The following SLC16A3 variants were observed in gnomAD, a reference collection of about 807,000 sequenced individuals.
The protein encoded by SLC16A3 is solute carrier family 16 member 3, also known as monocarboxylate transporter 4.
A neutral mutation model predicts 25.0 loss-of-function variants in SLC16A3; 22 were observed. The ratio of observed to expected loss-of-function variants is 0.88; its 90% CI spans 0.63 to 1.26. The LOEUF is 1.26. Ranked by LOEUF, SLC16A3 falls within the 50% of genes most tolerant of loss-of-function variation. SLC16A3 has a pLI of 0.00. For synonymous variants in SLC16A3, 390 were observed against 309.2 expected, an observed-to-expected ratio of 1.26 and a Z score of -2.74; for missense variants, 731 against 666.6, an observed-to-expected ratio of 1.10 and a Z score of -1.06.
chr17:82,228,909 CCGGGAGCCCGTCCGGAGGCGGCG>C (rs1425753460), upstream of SLC16A3: 1 of 149,966 alleles, frequency 6.7e-6, no homozygotes, highest in Non-Finnish European at 1.5e-5. Flanking sequence ...GAGCTGCGGC[CCGGGAGCCCGTCCGGAGGCGGCG>C]CGGGGTCCGG....
At position 82,237,576 on chromosome 17, in the gene SLC16A3, TC is replaced by T. The variant is rs1344254772; in HGVS notation, c.808del (p.Leu270TrpfsTer92). 1 of 1,612,334 alleles carries T rather than the reference TC, an allele frequency of 6.2e-7. No individual in the cohort carries two copies. Among genetic ancestry groups the T allele is most frequent in the Admixed American group, 1.7e-5 (1 of 59,986 alleles). ...ACCAAGGCCGCCTTCCTGCTCACCA[TC>T]CTGGGCTTCATTGACATCTTCGCGC... ...PDTKAAFLLT[I>X]LGFIDIFARP... is the part of the protein sequence containing the mutation. On this transcript the variant is annotated frameshift_variant, in exon 4 of 5. Transcript: ENST00000582743. LOFTEE classifies it high-confidence loss of function.
chr17:82,229,057 AGGC>A lies in SLC16A3; in HGVS notation c.-71_-69del. On this transcript the variant is annotated 5_prime_UTR_variant, in exon 1 of 5. Coordinates refer to ENST00000582743, the MANE Select transcript of SLC16A3 (RefSeq NM_004207.4). Reference sequence around the variant, plus strand: ...GGAGCGGACCGGCAGAGGCGGGCAGAGGCGGCGAGAGGCGGCGAGAGGCGGGCT... The same window carrying A: ...GGAGCGGACCGGCAGAGGCGGGCAGAGGCGAGAGGCGGCGAGAGGCGGGCT... The A allele has an allele frequency of 7.1e-5, 1 of 14,172 alleles. No individual in the cohort carries two copies. Among genetic ancestry groups the A allele is most frequent in the Non-Finnish European group, 1.1e-4 (1 of 9,028 alleles). 0.9% of individuals were successfully genotyped at this position (14,172 alleles called of 1,614,324 possible).
chr17:82,225,066 G>A (rs1482920146), upstream of SLC16A3, among the ~76,000 whole-genome samples: 5 of 152,320 alleles, frequency 3.3e-5, no homozygotes, highest in East Asian at 9.6e-4. Flanking sequence ...TTCAAGACTA[G>A]CCTGGCCAAA....
chr17:82,228,684 T>C (rs944448343), upstream of SLC16A3: 1 of 152,068 alleles, frequency 6.6e-6, no homozygotes, highest in African/African-American at 2.4e-5. Context: ...CTGGAGGACG[T>C]TGGGACCTGC....
At chr17:82,225,970 G>A (rs571325152), upstream of SLC16A3, among the ~76,000 whole-genome samples, 39 of 152,186 alleles carry the variant, frequency 2.6e-4, 1 homozygote, top group South Asian at 8.1e-3. Context: ...GGCAGCCCAT[G>A]GGGAGGAAGC....
chr17:82,239,862 TC>T lies in SLC16A3; in HGVS notation c.*888del. The T allele has an allele frequency of 1.8e-6, 1 of 558,444 alleles. No homozygotes were observed. Among genetic ancestry groups the T allele is most frequent in the Non-Finnish European group, 2.7e-6 (1 of 373,054 alleles). 34.6% of individuals were successfully genotyped at this position (558,444 alleles called of 1,614,324 possible). A position where few individuals can be genotyped will look rare whatever the true frequency, so the allele number is the denominator to read the frequency against. ...CAGGGCTGGTCTTTGCACCCTGTCCTCCATCCAGCCCGGCCCAGCGCTTGGG... is the reference window on the plus strand; with the variant it reads ...CAGGGCTGGTCTTTGCACCCTGTCCTCATCCAGCCCGGCCCAGCGCTTGGG... On this transcript the variant is annotated 3_prime_UTR_variant, in exon 5 of 5. Coordinates refer to ENST00000582743, the MANE Select transcript of SLC16A3 (RefSeq NM_004207.4).
chr17:82,239,835 C>T lies in SLC16A3; in HGVS notation c.*859C>T. ...GGCAGTGTGCGTGGTGTGGTCAGTG[C>T]CCAGGGCTGGTCTTTGCACCCTGTC... is the stretch of plus-strand genomic sequence containing the variant. On this transcript the variant is annotated 3_prime_UTR_variant, in exon 5 of 5. Transcript: ENST00000582743. 2.3e-6 allele frequency: 1 copy of T among 438,908 alleles called. No individual in the cohort carries two copies. Among genetic ancestry groups the T allele is most frequent in the Non-Finnish European group, 3.8e-6 (1 of 263,982 alleles). The allele number at this position is 438,908 out of a possible 1,614,324, so 27.2% of individuals were successfully genotyped here. A position where few individuals can be genotyped will look rare whatever the true frequency, so the allele number is the denominator to read the frequency against.
upstream of SLC16A3, among the ~76,000 whole-genome samples, chr17:82,227,613 C>T (rs12453976): frequency 0.033 from 968 of 29,750 alleles, 43 homozygotes; most frequent in East Asian, 0.12. Context: ...CTGCCCTGGG[C>T]GGGAGCACCA....
chr17:82,227,921 G>C (rs73999813), upstream of SLC16A3, among the ~76,000 whole-genome samples: 1,312 of 152,282 alleles, frequency 8.6e-3, 12 homozygotes, highest in African/African-American at 0.03. Flanking sequence ...CTGATGTCCC[G>C]CAAGGCTGGG....
intron 2 of SLC16A3, 134 bp from the exon 3 acceptor site, chr17:82,236,595 G>A (rs1032579854): frequency 3.6e-5 from 48 of 1,329,278 alleles, no homozygotes; most frequent in Admixed American, 1.1e-4. Flanking sequence ...GCCTGCCCAC[G>A]GGGTGCCCCT....
Position 82,237,304 on chromosome 17 carries a change from C to T in SLC16A3, c.534C>T (p.Gly178=), listed in dbSNP as rs776721432. 14 of 1,552,470 alleles carry T rather than the reference C, an allele frequency of 9.0e-6. 1 individual carries two copies. The highest frequency in any genetic ancestry group is 3.9e-5 in the Admixed American group (2 of 51,732). The change falls in exon 4 of 5, where the codon GGC becomes GGT. Residue 178 remains glycine (G), a synonymous_variant. Coordinates refer to ENST00000582743, the MANE Select transcript of SLC16A3 (RefSeq NM_004207.4). ...TGCAGGACCGCTACGGCTGGCGGGG[C>T]GGCTTCCTCATCCTGGGCGGCCTGC... ...QLLQDRYGWR[G]GFLILGGLLL...
rs141736659 is a variant in SLC16A3 at position 82,236,020 on chromosome 17, C to T, written c.12C>T (p.Ala4=). ...CAACCCTCCTGGCCATGGGAGGGGC[C>T]GTGGTGGACGAGGGCCCCACAGGCG... MGG[A]VVDEGPTGVK... Residue 4 remains alanine, a synonymous_variant, in exon 2 of 5, where the codon GCC becomes GCT. Transcript: ENST00000582743. 136 of 1,611,418 alleles carry T rather than the reference C, an allele frequency of 8.4e-5. No homozygotes were observed. The highest frequency in any genetic ancestry group is 1.1e-4 in the South Asian group (10 of 91,032).
upstream of SLC16A3, among the ~76,000 whole-genome samples, chr17:82,227,662 G>A (rs569491107): frequency 9.5e-3 from 212 of 22,320 alleles, 17 homozygotes; most frequent in African/African-American, 0.019. Context: ...CTGGGCGGGA[G>A]CACCACCTGC....
At chr17:82,219,953 G>A (rs1651857301) in intron 1 of SLC16A3, among the ~76,000 whole-genome samples, 1 of 152,136 alleles carries the variant, frequency 6.6e-6, no homozygotes, top group Admixed American at 6.5e-5. Context: ...CACAGGGCAG[G>A]TGGAGCAGAG....
chr17:82,224,980 G>A (rs992026975), upstream of SLC16A3, among the ~76,000 whole-genome samples: 2 of 152,206 alleles, frequency 1.3e-5, no homozygotes. Context: ...CCACTCCCTG[G>A]GAAGGACCAG....
chr17:82,235,859 T>C, intron 1 of SLC16A3, 124 bp from the exon 2 acceptor site: 1 of 649,318 alleles, frequency 1.5e-6, no homozygotes, highest in Non-Finnish European at 2.7e-6. Context: ...GGGCCACAAG[T>C]GTGGGTGCCG....
upstream of SLC16A3, among the ~76,000 whole-genome samples, chr17:82,225,030 A>G (rs1361894713): frequency 6.6e-6 from 1 of 152,212 alleles, no homozygotes; most frequent in Admixed American, 6.5e-5. Flanking sequence ...TTGGGAGGCC[A>G]GGCAGGTGAA....
chr17:82,221,896 T>G (rs1026271326), intron 1 of SLC16A3, among the ~76,000 whole-genome samples: 1 of 151,966 alleles, frequency 6.6e-6, no homozygotes, highest in Non-Finnish European at 1.5e-5. Context: ...CCAGAAAACC[T>G]CCACATAAAA....
At chr17:82,234,075 C>CAG (rs1161867973) in intron 1 of SLC16A3, 1 of 152,178 alleles carries the variant, frequency 6.6e-6, no homozygotes, top group Non-Finnish European at 1.5e-5. Context: ...CTCCTGACCT[C>CAG]GTGATCCGCC....
Sources: allele counts gnomAD v4.1 joint callset (sites outside exome capture counted in the v4.1 genomes callset), GRCh38; gene constraint gnomAD v4.1.1; transcripts MANE v1.5; gene names NCBI Gene and HGNC (gene_info 2026-07-23, HGNC 2026-07-21).